ADAMTSL4: variants seen among roughly 807,000 people sequenced by gnomAD.
ADAMTSL4 encodes ADAMTS-like protein 4.
In ADAMTSL4, 97 loss-of-function variants were observed where a neutral mutation model predicts 122.8. The ratio of observed to expected loss-of-function variants is 0.79; its 90% CI spans 0.67 to 0.93. The LOEUF (loss-of-function observed/expected upper bound fraction) is 0.93, where lower values mean the gene tolerates loss of function less well. ADAMTSL4 is among the 40% of genes least tolerant of loss of function. The pLI is 0.00. For missense variants in ADAMTSL4, 1,408 were observed against 1,453.5 expected (o/e 0.97, Z 0.51); for synonymous variants, 592 against 568.0 (o/e 1.04, Z -0.60).
rs910995024 is a variant in ADAMTSL4, at chr1:150,555,666, C to T, written c.1371+101C>T. On this transcript the variant is annotated intron_variant, in intron 8 of 18. Transcript: ENST00000271643. ...GTACACACATATGTATGAACACATG[C>T]ACACATGCAAGCACATACACACACG... is the stretch of plus-strand genomic sequence containing the variant. The T allele has an allele frequency of 2.6e-6, 4 of 1,532,126 alleles. No homozygotes were observed. In the African/African-American group the frequency reaches 5.4e-5, roughly 21 times the overall value. The allele number at this position is 1,532,126 out of a possible 1,614,324, so 94.9% of individuals were successfully genotyped here. A position where few individuals can be genotyped will look rare whatever the true frequency, so the allele number is the denominator to read the frequency against.
rs142705142 is a variant in ADAMTSL4 at position 150,553,911 on chromosome 1, G to A, written c.920G>A (p.Arg307Gln). 1,434 of 1,612,288 alleles carry A rather than the reference G, an allele frequency of 8.9e-4. 27 individuals are homozygous for A. The South Asian group carries it at 0.013, about 15-fold the overall frequency. Residue 307 changes from arginine to glutamine, a missense_variant, in exon 6 of 19, where the codon CGG (arginine) becomes CAG (glutamine). Arg to Gln is a conservative substitution (Grantham distance 43). Transcript: ENST00000271643. Reference protein sequence around the residue: ...RRPDPFPSVPRGRGQQGQGPW... With the variant: ...RRPDPFPSVPQGRGQQGQGPW... ...CCTGATCCTTTTCCTTCGGTCCCTC[G>A]GGGCCGAGGCCAGCAGGGCCAAGGG... is the stretch of plus-strand genomic sequence containing the variant.
rs780932298 is a variant in ADAMTSL4, at chr1:150,557,166, G to A, written c.1878G>A (p.Glu626=). ...CCTGCACAGAGATTCTGAGGGTGGA[G>A]CCCCCACTTGCTCCGGCACCCCGCC... The part of the protein sequence containing the change: ...PQLQPEILRV[E]PPLAPAPRPA... Residue 626 remains glutamate, a synonymous_variant, in exon 12 of 19, where the codon GAG becomes GAA. Coordinates refer to ENST00000271643, the MANE Select transcript of ADAMTSL4 (RefSeq NM_019032.6). 6.2e-7 allele frequency: 1 copy of A among 1,611,778 alleles called. No individual in the cohort carries two copies. Among genetic ancestry groups the A allele is most frequent in the Non-Finnish European group, 8.5e-7 (1 of 1,179,794 alleles).
chr1:150,555,856 CAT>C (rs1672044913), intron 8 of ADAMTSL4: 1 of 603,294 alleles, frequency 1.7e-6, no homozygotes, highest in African/African-American at 1.8e-5. Context: ...TGTAGACACA[CAT>C]GCATGAACAC....
In ADAMTSL4 at chr1:150,560,276, C is replaced by G; in HGVS notation, c.*80C>G. 6.3e-7 allele frequency: 1 copy of G among 1,582,652 alleles called. No homozygotes were observed. Among genetic ancestry groups the G allele is most frequent in the East Asian group, 2.3e-5 (1 of 43,692 alleles). ...TCGGCCCACTCTGAACCCCCTGGCT[C>G]TCCAGCCTGTCCCAGTCTCAGCAGG... On this transcript the variant is annotated 3_prime_UTR_variant, in exon 19 of 19. Coordinates refer to ENST00000271643, the MANE Select transcript of ADAMTSL4 (RefSeq NM_019032.6).
rs1294637098 is a variant in ADAMTSL4, at chr1:150,556,661, C to T, written c.1617C>T (p.Asn539=). 3 of 1,613,964 alleles carry T rather than the reference C, an allele frequency of 1.9e-6. No homozygotes were observed. Among genetic ancestry groups the T allele is most frequent in the Non-Finnish European group, 2.5e-6 (3 of 1,180,014 alleles). ...GGGGCCGGTCCATCATCAATGGGAA[C>T]TGGGCTGTGGATCCCCCTGGGTCCT... ...GPGGRSIING[N]WAVDPPGSYR... is the part of the protein sequence containing the mutation. The change falls in exon 10 of 19, where the codon AAC becomes AAT. Residue 539 remains asparagine, a synonymous_variant. Transcript: ENST00000271643. The surrounding 1 kb of genome is among the most constrained non-coding windows in gnomAD (Gnocchi z 4.1).
intron 8 of ADAMTSL4, chr1:150,555,806 A>T (rs1320299352): frequency 1.6e-6 from 1 of 633,942 alleles, no homozygotes; most frequent in African/African-American, 1.8e-5. Flanking sequence ...CACGTGCATG[A>T]ACACATGCAC....
rs587693593 is a variant in ADAMTSL4 at position 150,558,830 on chromosome 1, C to T, written c.2560-132C>T. The stretch of plus-strand genomic sequence containing the variant: ...AGGGGCCCGGCTAGGATTCCTCGTC[C>T]GGGCCTGGTACCCGGGGACATTCCC... On this transcript the variant is annotated intron_variant, in intron 15 of 18. Coordinates refer to ENST00000271643, the MANE Select transcript of ADAMTSL4 (RefSeq NM_019032.6). 2.8e-5 allele frequency: 43 copies of T among 1,538,968 alleles called. 1 individual carries two copies. Among genetic ancestry groups the T allele is most frequent in the East Asian group, 4.9e-5 (2 of 40,954 alleles).
rs969374670 is a variant in ADAMTSL4 at position 150,559,281 on chromosome 1, C to T, written c.2764-6C>T. ...CCCTCATCACCCTGCCCTCCCCCTA[C>T]ACTAGTGCTCCTCCGAATGTGGCTC... On this transcript the variant is annotated splice_region_variant and splice_polypyrimidine_tract_variant and intron_variant, in intron 16 of 18. Coordinates refer to ENST00000271643, the MANE Select transcript of ADAMTSL4 (RefSeq NM_019032.6). This position sits in a 1 kb window ranked among gnomAD's most constrained non-coding sequence, Gnocchi z 4.1. 15 of 1,613,908 alleles carry T rather than the reference C, an allele frequency of 9.3e-6. No homozygotes were observed. The East Asian group carries it at 1.3e-4, about 14-fold the overall frequency.
Position 150,553,688 on chromosome 1 carries a change from C to T in ADAMTSL4, c.697C>T (p.Pro233Ser). 2 of 1,613,332 alleles carry T rather than the reference C, an allele frequency of 1.2e-6. No individual in the cohort carries two copies. The highest frequency in any genetic ancestry group is 1.1e-5 in the South Asian group (1 of 91,038). ...TPSPQAEPLS[P>S]ETAQTEVAPR... is the part of the protein sequence containing the mutation. ...ATCCCCCCAAGCAGAACCTCTAAGC[C>T]CTGAAACTGCTCAGACAGAGGTGGC... Residue 233 changes from proline (P) to serine (S), a missense_variant, in exon 6 of 19, where the codon CCT (proline) becomes TCT (serine). By Grantham distance (74) the Pro-to-Ser change is moderately conservative (BLOSUM62 -1). Coordinates refer to ENST00000271643, the MANE Select transcript of ADAMTSL4 (RefSeq NM_019032.6).
In ADAMTSL4 at chr1:150,560,293, C is replaced by G; in HGVS notation, c.*97C>G. 6.5e-7 allele frequency: 1 copy of G among 1,544,594 alleles called. No individual in the cohort carries two copies. The stretch of plus-strand genomic sequence containing the variant: ...CCCTGGCTCTCCAGCCTGTCCCAGT[C>G]TCAGCAGGGATGTCCTCCAGGTGAC... On this transcript the variant is annotated 3_prime_UTR_variant, in exon 19 of 19. Transcript: ENST00000271643.
At position 150,560,856 on chromosome 1, in the gene ADAMTSL4, A is replaced by G. The variant is rs1247821196; in HGVS notation, c.*660A>G. 3 of 159,006 alleles carry G rather than the reference A, an allele frequency of 1.9e-5. No individual in the cohort carries two copies. The highest frequency in any genetic ancestry group is 4.2e-5 in the Non-Finnish European group (3 of 71,866). The allele number at this position is 159,006 out of a possible 1,614,324, so 9.8% of individuals were successfully genotyped here. A position where few individuals can be genotyped will look rare whatever the true frequency, so the allele number is the denominator to read the frequency against. On this transcript the variant is annotated 3_prime_UTR_variant, in exon 19 of 19. Transcript: ENST00000271643. ...TCCCCCACCACCCCGCCCAGCCCCT[A>G]GCCCCACTCCCTGCCTCCTGAAATG...
chr1:150,555,544 CTG>C lies in ADAMTSL4; in HGVS notation c.1355_1356del (p.Val452GlyfsTer10), dbSNP rs761261211. 1.9e-6 allele frequency: 3 copies of C among 1,614,130 alleles called. No individual in the cohort carries two copies. In the South Asian group the frequency reaches 3.3e-5, roughly 18 times the overall value. On this transcript the variant is annotated frameshift_variant, in exon 8 of 19. Coordinates refer to ENST00000271643, the MANE Select transcript of ADAMTSL4 (RefSeq NM_019032.6). LOFTEE classifies it high-confidence loss of function. ...TGTGTCAGCCTGGAGCCCCTGACATCTGTGTGGCTGGACGCTGTCTGGTGAGG... is the reference window on the plus strand; with the variant it reads ...TGTGTCAGCCTGGAGCCCCTGACATCTGTGGCTGGACGCTGTCTGGTGAGG... The part of the protein sequence containing the change: ...TLCQPGAPDI[C>X]VAGRCLSPGC...
In ADAMTSL4 at chr1:150,557,131, C is replaced by T. The variant is rs760948823; in HGVS notation, c.1862-19C>T. The T allele has an allele frequency of 2.4e-5, 38 of 1,612,820 alleles. No individual in the cohort carries two copies. Among genetic ancestry groups the T allele is most frequent in the Admixed American group, 5.0e-5 (3 of 60,012 alleles). Reference sequence around the variant, plus strand: ...CGGGGCAGTGGGGTGGCATCTGATTCGCCTGCTCCCCTGCACAGAGATTCT... The same window carrying T: ...CGGGGCAGTGGGGTGGCATCTGATTTGCCTGCTCCCCTGCACAGAGATTCT... On this transcript the variant is annotated intron_variant, in intron 11 of 18. Coordinates refer to ENST00000271643, the MANE Select transcript of ADAMTSL4 (RefSeq NM_019032.6).
At position 150,560,712 on chromosome 1, in the gene ADAMTSL4, G is replaced by A. The variant is rs892164625; in HGVS notation, c.*516G>A. On this transcript the variant is annotated 3_prime_UTR_variant, in exon 19 of 19. Transcript: ENST00000271643. The stretch of plus-strand genomic sequence containing the variant: ...CTGCCCCTGCCTCCCTAATTAGCTA[G>A]GGCTGGGGTCAGCCACTGCCAATCC... 6.0e-6 allele frequency: 1 copy of A among 166,274 alleles called. No individual in the cohort carries two copies. Among genetic ancestry groups the A allele is most frequent in the African/African-American group, 2.4e-5 (1 of 41,772 alleles). The allele number at this position is 166,274 out of a possible 1,614,324, so 10.3% of individuals were successfully genotyped here.
chr1:150,551,891 C>CAAA (rs199813152), intron 2 of ADAMTSL4: 9 of 118,680 alleles, frequency 7.6e-5, no homozygotes, highest in African/African-American at 2.9e-4. Flanking sequence ...ATCTCCATCT[C>CAAA]AAAAAAAAAA....
Position 150,558,547 on chromosome 1 carries a change from C to G in ADAMTSL4, c.2457C>G (p.Ser819Arg). The G allele has an allele frequency of 6.2e-7, 1 of 1,613,814 alleles. No individual in the cohort carries two copies. The highest frequency in any genetic ancestry group is 1.1e-5 in the South Asian group (1 of 91,082). ...RCVGNNGDEV[S>R]EQECASGPPQ... Reference sequence around the variant, plus strand: ...TTGGGAACAATGGTGATGAAGTGAGCGAGCAGGAGTGTGCGTCAGGCCCCC... The same window carrying G: ...TTGGGAACAATGGTGATGAAGTGAGGGAGCAGGAGTGTGCGTCAGGCCCCC... Residue 819 changes from serine to arginine, a missense_variant, in exon 15 of 19, where the codon AGC becomes AGG. Coordinates refer to ENST00000271643, the MANE Select transcript of ADAMTSL4 (RefSeq NM_019032.6).
At chr1:150,558,727 C>G (rs778916528) in intron 15 of ADAMTSL4, 78 bp downstream of exon 15, 1 of 1,610,894 alleles carries the variant, frequency 6.2e-7, no homozygotes, top group Non-Finnish European at 8.5e-7. Context: ...CAGCATAGCT[C>G]AATAAACTTG....
Position 150,552,860 on chromosome 1 carries a change from A to G in ADAMTSL4, c.79-38A>G, listed in dbSNP as rs1219797194. 6.3e-7 allele frequency: 1 copy of G among 1,593,734 alleles called. No individual in the cohort carries two copies. Among genetic ancestry groups the G allele is most frequent in the Non-Finnish European group, 8.6e-7 (1 of 1,166,956 alleles). On this transcript the variant is annotated intron_variant, in intron 4 of 18. Coordinates refer to ENST00000271643, the MANE Select transcript of ADAMTSL4 (RefSeq NM_019032.6). The surrounding 1 kb of genome is among the most constrained non-coding windows in gnomAD (Gnocchi z 4.0). ...ATGGACACTCTGGACAGTTCCCTCT[A>G]ATCCTTCCAATTCTGTCTGACCTTT...
chr1:150,554,462 C>T lies in ADAMTSL4; in HGVS notation c.1229C>T (p.Thr410Ile), dbSNP rs1350201956. The T allele has an allele frequency of 3.1e-6, 5 of 1,614,060 alleles. No homozygotes were observed. In the African/African-American group the frequency reaches 5.3e-5, roughly 17 times the overall value. Residue 410 changes from threonine to isoleucine, a missense_variant, in exon 7 of 19, where the codon ACT becomes ATT. Coordinates refer to ENST00000271643, the MANE Select transcript of ADAMTSL4 (RefSeq NM_019032.6). The surrounding 1 kb of genome is among the most constrained non-coding windows in gnomAD (Gnocchi z 4.0). Reference protein sequence around the residue: ...MGQLYQWEPFTEVQGSQRCEL... With the variant: ...MGQLYQWEPFIEVQGSQRCEL... ...CAGCTGTATCAGTGGGAGCCCTTCACTGAAGGTGAGGTTTCTTGCTCACCC... is the reference window on the plus strand; with the variant it reads ...CAGCTGTATCAGTGGGAGCCCTTCATTGAAGGTGAGGTTTCTTGCTCACCC...
Sources: gnomAD v4.1 joint callset for allele counts on GRCh38, gnomAD v4.1.1 for gene constraint, Gnocchi (gnomAD v3.1) non-coding constraint, MANE v1.5 for transcripts, NCBI Gene and HGNC (gene_info 2026-07-23, HGNC 2026-07-21) for gene names.